The following GABRP variants were observed in gnomAD, a reference collection of about 807,000 sequenced individuals.
The protein encoded by GABRP is gamma-aminobutyric acid receptor subunit pi.
A neutral mutation model predicts 47.8 loss-of-function variants in GABRP; 52 were observed. The observed-to-expected ratio is 1.09, with a 90% confidence interval of 0.87 to 1.37. The LOEUF is 1.37. Among genes scored for constraint, GABRP ranks in the 40% most tolerant of loss-of-function variants. The probability of loss-of-function intolerance (pLI) is 0.00; values close to 1 mark genes in which losing one functional copy is unlikely to be tolerated. For synonymous variants in GABRP, 221 were observed against 205.8 expected, an observed-to-expected ratio of 1.07 and a Z score of -0.63; for missense variants, 525 against 542.8, an observed-to-expected ratio of 0.97 and a Z score of 0.33.
chr5:170,811,819 C>G (rs1765890962), intron 9 of GABRP, 137 bp from the exon 10 acceptor site: 1 of 801,770 alleles, frequency 1.2e-6, no homozygotes. Flanking sequence ...TGGCCAATTT[C>G]TGAAGCACTC....
At chr5:170,784,429 A>C (rs895881043) in intron 1 of GABRP, among the ~76,000 whole-genome samples, 1 of 152,198 alleles carries the variant, frequency 6.6e-6, no homozygotes. Context: ...CATAGAGGCC[A>C]AGAGCACGGA....
intron 6 of GABRP, among the ~76,000 whole-genome samples, chr5:170,802,217 C>A (rs918029706): frequency 6.6e-6 from 1 of 152,092 alleles, no homozygotes; most frequent in South Asian, 2.1e-4. Context: ...TCCATTGTTC[C>A]TTAGTAAACC....
intron 6 of GABRP, among the ~76,000 whole-genome samples, chr5:170,798,918 G>A (rs560243752): frequency 6.6e-6 from 1 of 151,732 alleles, no homozygotes; most frequent in Non-Finnish European, 1.5e-5. Flanking sequence ...TTTACATTAG[G>A]TATATCTCCT....
intron 6 of GABRP, among the ~76,000 whole-genome samples, chr5:170,802,967 T>G (rs572433626): frequency 6.6e-6 from 1 of 152,344 alleles, no homozygotes; most frequent in Non-Finnish European, 1.5e-5. Context: ...ACAGTTTTCC[T>G]TATTCACCCA....
intron 4 of GABRP, 84 bp downstream of exon 4, chr5:170,794,382 A>G: frequency 1.4e-6 from 1 of 734,430 alleles, no homozygotes; most frequent in Non-Finnish European, 2.2e-6. Flanking sequence ...GCTCAAAAAA[A>G]AAAAAAAAAA....
Position 170,809,555 on chromosome 5 carries a change from C to T in GABRP, c.833-13C>T, listed in dbSNP as rs1765826720. 1 of 1,612,838 alleles carries T rather than the reference C, an allele frequency of 6.2e-7. No homozygotes were observed. ...AGTCACTTTGTAGGAACATCCCCTG[C>T]CTGTTTTCCCAGGAGTGACGACCGT... On this transcript the variant is annotated splice_polypyrimidine_tract_variant and intron_variant, in intron 8 of 9. Coordinates refer to ENST00000265294, the MANE Select transcript of GABRP (RefSeq NM_014211.3).
chr5:170,786,185 G>T (rs1765126970), intron 1 of GABRP, among the ~76,000 whole-genome samples: 1 of 152,178 alleles, frequency 6.6e-6, no homozygotes, highest in African/African-American at 2.4e-5. Context: ...AGGCAATGGA[G>T]GGCATGGGAG....
chr5:170,806,308 G>A (rs572953255), intron 7 of GABRP, among the ~76,000 whole-genome samples: 1 of 152,016 alleles, frequency 6.6e-6, no homozygotes. Context: ...TGCATCTCTT[G>A]GTCTTTGGCG....
At chr5:170,784,118 G>C (rs562113926) in intron 1 of GABRP, among the ~76,000 whole-genome samples, 1 of 152,184 alleles carries the variant, frequency 6.6e-6, no homozygotes, top group Non-Finnish European at 1.5e-5. Context: ...CACAGGGCAC[G>C]CGCCGCACCA....
At chr5:170,798,750 A>T (rs1765505742) in intron 6 of GABRP, among the ~76,000 whole-genome samples, 1 of 151,924 alleles carries the variant, frequency 6.6e-6, no homozygotes, top group Non-Finnish European at 1.5e-5. Context: ...AGGTCTAAAA[A>T]ATCACAAAGA....
intron 1 of GABRP, 28 bp downstream of exon 1, chr5:170,783,902 G>A (rs1036424475): frequency 2.0e-5 from 3 of 152,384 alleles, no homozygotes; most frequent in Non-Finnish European, 4.4e-5. Flanking sequence ...CCCTCCAGGT[G>A]TCTGGAGAGA....
chr5:170,813,708 T>G lies in GABRP; in HGVS notation c.*1450T>G, dbSNP rs1765951509. 1 of 152,232 alleles carries G rather than the reference T, an allele frequency of 6.6e-6. No homozygotes were observed. The highest frequency in any genetic ancestry group is 2.1e-4 in the South Asian group (1 of 4,832). The allele number at this position is 152,232 out of a possible 1,614,324, so 9.4% of individuals were successfully genotyped here. On this transcript the variant is annotated 3_prime_UTR_variant, in exon 10 of 10. Coordinates refer to ENST00000265294, the MANE Select transcript of GABRP (RefSeq NM_014211.3). ...AATAAATGCACGGCTTTACCTTTCC[T>G]GTCAGAAATAAACCAAGGCTCTAAA...
At chr5:170,811,263 C>T (rs1464736205) in intron 9 of GABRP, among the ~76,000 whole-genome samples, 1 of 150,150 alleles carries the variant, frequency 6.7e-6, no homozygotes. Context: ...CCCATAAGAC[C>T]CCACACCTAG....
intron 7 of GABRP, 64 bp from the exon 8 acceptor site, chr5:170,808,536 C>A: frequency 7.1e-7 from 1 of 1,415,944 alleles, no homozygotes; most frequent in Non-Finnish European, 9.9e-7. Context: ...AGTTAAGCAT[C>A]CCATAGAGAA....
intron 1 of GABRP, among the ~76,000 whole-genome samples, chr5:170,787,547 C>T (rs1235002667): frequency 6.6e-6 from 1 of 152,194 alleles, no homozygotes; most frequent in African/African-American, 2.4e-5. Flanking sequence ...TAGGAGGTCA[C>T]GACAGCAGCA....
At chr5:170,788,443 G>A (rs1765179965) in intron 1 of GABRP, 131 bp from the exon 2 acceptor site, 1 of 605,380 alleles carries the variant, frequency 1.7e-6, no homozygotes, top group Admixed American at 2.7e-5. Context: ...TAACCGAAAG[G>A]TATGGAAAGA....
At chr5:170,787,601 A>C (rs1458417554) in intron 1 of GABRP, among the ~76,000 whole-genome samples, 2 of 150,648 alleles carry the variant, frequency 1.3e-5, no homozygotes, top group African/African-American at 4.9e-5. Context: ...GCCTGCTCTG[A>C]AGGAAGAGAG....
intron 7 of GABRP, 107 bp downstream of exon 7, chr5:170,805,960 G>C: frequency 8.0e-7 from 1 of 1,256,208 alleles, no homozygotes. Context: ...TTGGGATGCA[G>C]TGGAGCGGGA....
intron 6 of GABRP, among the ~76,000 whole-genome samples, chr5:170,804,987 T>TTA (rs1554120341): frequency 7.0e-6 from 1 of 143,610 alleles, no homozygotes; most frequent in African/African-American, 2.6e-5. Context: ...ATATATTATA[T>TTA]TATATTATAT....
Sources: allele counts gnomAD v4.1 joint callset (sites outside exome capture counted in the v4.1 genomes callset), GRCh38; gene constraint gnomAD v4.1.1; transcripts MANE v1.5; gene names NCBI Gene and HGNC (gene_info 2026-07-23, HGNC 2026-07-21).